CLCN7: variants seen among roughly 807,000 people sequenced by gnomAD.
CLCN7 encodes H(+)/Cl(-) exchange transporter 7.
A neutral mutation model predicts 102.1 loss-of-function variants in CLCN7; 60 were observed. The ratio of observed to expected loss-of-function variants is 0.59; its 90% confidence interval spans 0.48 to 0.73. CLCN7 has a LOEUF of 0.73. CLCN7 is among the 30% of genes least tolerant of loss of function. The pLI is 0.00. For missense variants in CLCN7, 962 were observed against 1,125.7 expected (o/e 0.85, Z 2.08); for synonymous variants, 560 against 490.5 (o/e 1.14, Z -1.87).
intron 15 of CLCN7, chr16:1,452,345 T>A (rs1037174999): frequency 3.7e-6 from 1 of 267,018 alleles, no homozygotes; most frequent in African/African-American, 2.2e-5. Flanking sequence ...AGCGTAGTGC[T>A]TTCCAGGGCA....
chr16:1,448,847 G>A, intron 19 of CLCN7, 81 bp from the exon 20 acceptor site: 1 of 1,595,956 alleles, frequency 6.3e-7, no homozygotes, highest in Non-Finnish European at 8.5e-7. Flanking sequence ...GGAGCCCAGA[G>A]GCCGCCCCCA....
intron 16 of CLCN7, among the ~76,000 whole-genome samples, chr16:1,451,040 T>C (rs2038739994): frequency 6.6e-6 from 1 of 152,214 alleles, no homozygotes; most frequent in Admixed American, 6.5e-5. Context: ...CTGGGGTTCC[T>C]TTCCTGGAGC....
chr16:1,468,047 C>A (rs112149800), intron 1 of CLCN7, among the ~76,000 whole-genome samples: 1 of 152,024 alleles, frequency 6.6e-6, no homozygotes, highest in Non-Finnish European at 1.5e-5. Flanking sequence ...TGCACCACTG[C>A]GCTCCAGCCT....
In CLCN7 at chr16:1,461,629, C is replaced by A; in HGVS notation, c.259G>T (p.Glu87Ter). The change falls in exon 3 of 25, where the codon GAG becomes TAG. Residue 87 changes from glutamate to a stop codon, truncating the protein, a stop_gained. Coordinates refer to ENST00000382745, the MANE Select transcript of CLCN7 (RefSeq NM_001287.6). LOFTEE classifies it high-confidence loss of function. ...HPFPKEIPHN[E>*]KLLSLKYESL... Reference sequence around the variant, plus strand: ...TCATACTTGAGGGACAGGAGCTTCTCGTTGTGTGGGATCTCCTTGGGGAAG... The same window carrying A: ...TCATACTTGAGGGACAGGAGCTTCTAGTTGTGTGGGATCTCCTTGGGGAAG... The A allele has an allele frequency of 6.2e-7, 1 of 1,614,022 alleles. No homozygotes were observed. Among genetic ancestry groups the A allele is most frequent in the South Asian group, 1.1e-5 (1 of 91,054 alleles).
At position 1,457,651 on chromosome 16, in the gene CLCN7, C is replaced by T. The variant is rs369250721; in HGVS notation, c.738+43G>A. The stretch of plus-strand genomic sequence containing the variant: ...GGCGTGGCGGCCCTCGCGGGCCCGG[C>T]GGCCTCAGGCTCCAGCTGGAGTGGC... On this transcript the variant is annotated intron_variant, in intron 8 of 24. Transcript: ENST00000382745. The surrounding 1 kb of genome is among the most constrained non-coding windows in gnomAD (Gnocchi z 5.4). 432 of 1,603,528 alleles carry T rather than the reference C, an allele frequency of 2.7e-4. No individual in the cohort carries two copies. Among genetic ancestry groups the T allele is most frequent in the Middle Eastern group, 4.9e-4 (3 of 6,068 alleles).
intron 10 of CLCN7, 96 bp from the exon 11 acceptor site, chr16:1,455,891 G>C: frequency 7.2e-7 from 1 of 1,383,662 alleles, no homozygotes; most frequent in Admixed American, 1.8e-5. Context: ...CCCAGACCAC[G>C]TCAGAAAGAA....
In CLCN7 at chr16:1,461,418, C is replaced by T. The variant is rs760871410; in HGVS notation, c.338G>A (p.Arg113Gln). The T allele has an allele frequency of 3.1e-5, 48 of 1,550,886 alleles. No homozygotes were observed. The highest frequency in any genetic ancestry group is 8.3e-5 in the South Asian group (7 of 84,144). Residue 113 changes from arginine (R) to glutamine (Q), a missense_variant, in exon 4 of 25, where the codon CGG becomes CAG. Physicochemically the swap from Arg to Gln is conservative, Grantham distance 43 (BLOSUM62 1). Around this residue, in one of 2 missense-constraint regions of CLCN7, gnomAD observed 799 missense variants for 988.0 expected, o/e 0.81. Coordinates refer to ENST00000382745, the MANE Select transcript of CLCN7 (RefSeq NM_001287.6). ...ENQLFLEEERRINHTAFRTVE... is the reference protein window; with the variant it reads ...ENQLFLEEERQINHTAFRTVE... ...CGTCCAGCTCACCGTGTGATTGATC[C>T]GCCGCTCCTCCTCCAGGAACAGCTG...
chr16:1,451,653 T>A lies in CLCN7; in HGVS notation c.1417A>T (p.Ser473Cys), dbSNP rs2038753332. 6.2e-7 allele frequency: 1 copy of A among 1,612,562 alleles called. No individual in the cohort carries two copies. Among genetic ancestry groups the A allele is most frequent in the East Asian group, 2.2e-5 (1 of 44,870 alleles). The change falls in exon 16 of 25, where the codon AGC (serine) becomes TGC (cysteine). Residue 473 changes from serine (S) to cysteine (C), a missense_variant. Around this residue, in one of 2 missense-constraint regions of CLCN7, gnomAD observed 799 missense variants for 988.0 expected, o/e 0.81. Coordinates refer to ENST00000382745, the MANE Select transcript of CLCN7 (RefSeq NM_001287.6). ...GGGTCGTGGAAGAGGCTCACCACGC[T>A]CTTCTCCGGGGTGTTGAAGAAGGCC... ...AAAFFNTPEK[S>C]VVSLFHDPPG...
chr16:1,451,585 G>C (rs1355881528), intron 16 of CLCN7, 38 bp downstream of exon 16: 2 of 1,580,000 alleles, frequency 1.3e-6, no homozygotes, highest in Non-Finnish European at 1.7e-6. Context: ...CCCAGGCCCT[G>C]ATCCCAGGGC....
chr16:1,469,561 C>G (rs2039048974), intron 1 of CLCN7, among the ~76,000 whole-genome samples: 1 of 152,116 alleles, frequency 6.6e-6, no homozygotes, highest in Non-Finnish European at 1.5e-5. Context: ...TGGTGGGCGC[C>G]TGTAATCCCA....
intron 21 of CLCN7, 180 bp downstream of exon 21, chr16:1,448,175 C>G (rs556747957): frequency 3.8e-5 from 33 of 866,474 alleles, no homozygotes; most frequent in African/African-American, 3.5e-4. Context: ...CAGCCCCCCC[C>G]ACCAGCCTCA....
chr16:1,461,802 A>C (rs1256307075), intron 2 of CLCN7, 128 bp from the exon 3 acceptor site: 19 of 829,290 alleles, frequency 2.3e-5, no homozygotes, highest in Non-Finnish European at 3.8e-5. Context: ...AGAGAACTGC[A>C]CATGGGGCGC....
Position 1,457,188 on chromosome 16 carries a change from C to T in CLCN7, c.822+66G>A. ...TGGGGGTGCTGAGGGAAGCCCATCT[C>T]CCTGAGTGGTGCCCGTGCCCGTGCC... is the stretch of plus-strand genomic sequence containing the variant. On this transcript the variant is annotated intron_variant, in intron 9 of 24. Transcript: ENST00000382745. The surrounding 1 kb of genome is among the most constrained non-coding windows in gnomAD (Gnocchi z 5.4). The T allele has an allele frequency of 1.4e-6, 2 of 1,429,954 alleles. No individual in the cohort carries two copies. The highest frequency in any genetic ancestry group is 2.3e-5 in the South Asian group (2 of 87,298). 88.6% of individuals were successfully genotyped at this position (1,429,954 alleles called of 1,614,324 possible).
Position 1,457,820 on chromosome 16 carries a change from G to T in CLCN7, c.676-64C>A, listed in dbSNP as rs1190611088. ...CAGGCGCTGTCTTTGGACCTGAGCC[G>T]TAAAACAGCACACACAGCCCCGATC... On this transcript the variant is annotated intron_variant, in intron 7 of 24. Transcript: ENST00000382745. This position sits in a 1 kb window ranked among gnomAD's most constrained non-coding sequence, Gnocchi z 5.4. The T allele has an allele frequency of 6.0e-6, 9 of 1,499,582 alleles. No homozygotes were observed. Among genetic ancestry groups the T allele is most frequent in the African/African-American group, 2.7e-5 (2 of 72,744 alleles). The allele number at this position is 1,499,582 out of a possible 1,614,324, so 92.9% of individuals were successfully genotyped here.
chr16:1,448,479 A>G lies in CLCN7; in HGVS notation c.1889T>C (p.Val630Ala). The change falls in exon 21 of 25, where the codon GTG becomes GCG. Residue 630 changes from valine (V) to alanine (A), a missense_variant. Physicochemically the swap from Val to Ala is moderately conservative, Grantham distance 64 (BLOSUM62 0). This residue lies in a region of CLCN7 where 799 missense variants were observed against 988.0 expected (regional missense o/e 0.81). Coordinates refer to ENST00000382745, the MANE Select transcript of CLCN7 (RefSeq NM_001287.6). ...VTSHSLTARE[V>A]MSTPVTCLRR... ...CAGGCAGGTCACTGGTGTGCTCATC[A>G]CCTCCCTGCCGGAGGAGCCCGGCCA... is the stretch of plus-strand genomic sequence containing the variant. 6.2e-7 allele frequency: 1 copy of G among 1,608,024 alleles called. No individual in the cohort carries two copies. The highest frequency in any genetic ancestry group is 8.5e-7 in the Non-Finnish European group (1 of 1,179,666).
intron 2 of CLCN7, among the ~76,000 whole-genome samples, chr16:1,463,902 G>A (rs980926978): frequency 1.3e-5 from 2 of 152,118 alleles, no homozygotes; most frequent in Non-Finnish European, 2.9e-5. Context: ...AGCCTCCCAA[G>A]TAGCTGGGAC....
At chr16:1,474,733 C>G in intron 1 of CLCN7, 101 bp downstream of exon 1, 1 of 1,072,766 alleles carries the variant, frequency 9.3e-7, no homozygotes, top group Non-Finnish European at 1.2e-6. Flanking sequence ...TCGGTCGCCT[C>G]CAGGACCGAG....
rs138428229 is a variant in CLCN7 at position 1,453,786 on chromosome 16, T to C, written c.1214+48A>G. 3.0e-3 allele frequency: 4,712 copies of C among 1,575,038 alleles called. 18 individuals are homozygous for C. The highest frequency in any genetic ancestry group is 4.0e-3 in the Middle Eastern group (24 of 5,996). On this transcript the variant is annotated intron_variant, in intron 14 of 24. Coordinates refer to ENST00000382745, the MANE Select transcript of CLCN7 (RefSeq NM_001287.6). ...CCACCACGTCCGCTTTCAAAGGGCC[T>C]GTGTGGCCACGCCTGCCAACGCGAT...
intron 21 of CLCN7, 111 bp from the exon 22 acceptor site, chr16:1,447,825 C>T (rs1210079528): frequency 4.8e-6 from 6 of 1,242,546 alleles, no homozygotes; most frequent in Non-Finnish European, 6.8e-6. Flanking sequence ...CCCATCTGGG[C>T]ATGGGCCCCG....
Sources: gnomAD v4.1 joint callset for allele counts (sites outside exome capture counted in the v4.1 genomes callset) on GRCh38, gnomAD v4.1.1 for gene constraint, gnomAD v4.1.1 regional missense constraint, Gnocchi (gnomAD v3.1) non-coding constraint, MANE v1.5 for transcripts, NCBI Gene and HGNC (gene_info 2026-07-23, HGNC 2026-07-21) for gene names.